ACTR3C: variants seen among roughly 807,000 people sequenced by gnomAD.
ACTR3C encodes the protein actin-related protein 3C.
Under a neutral mutation model 26.3 loss-of-function variants are expected in ACTR3C, and 18 were observed. The observed-to-expected ratio is 0.68, with a 90% confidence interval of 0.47 to 1.01. The LOEUF is 1.01. Among genes scored for constraint, ACTR3C ranks in the 50% least tolerant of loss-of-function variants. The pLI is 0.00. For missense variants in ACTR3C, 184 were observed against 250.7 expected, an observed-to-expected ratio of 0.73 and a Z score of 1.80; for synonymous variants, 55 against 94.5, an observed-to-expected ratio of 0.58 and a Z score of 2.42.
chr7:150,005,397 C>T, the ACTR3C span, among the ~76,000 whole-genome samples: 72,962 of 151,732 alleles, frequency 0.48, 17,566 homozygotes, highest in African/African-American at 0.53. Flanking sequence ...GATGTCCACA[C>T]GTCCTAGATG....
At chr7:149,898,501 C>G in the ACTR3C span, among the ~76,000 whole-genome samples, 1 of 152,016 alleles carries the variant, frequency 6.6e-6, no homozygotes, top group Non-Finnish European at 1.5e-5. Flanking sequence ...GTCAAGAGAT[C>G]GAGACCATCC....
At chr7:150,033,730 G>T in the ACTR3C span, among the ~76,000 whole-genome samples, 291 of 151,440 alleles carry the variant, frequency 1.9e-3, no homozygotes, top group Non-Finnish European at 3.2e-3. Context: ...CGGAAGAGGG[G>T]ATAGCTCTCA....
the ACTR3C span, among the ~76,000 whole-genome samples, chr7:149,912,649 C>A: frequency 6.6e-6 from 1 of 151,852 alleles, no homozygotes; most frequent in Non-Finnish European, 1.5e-5. Flanking sequence ...ATTACAGGCG[C>A]CTGCCACCAC....
the ACTR3C span, among the ~76,000 whole-genome samples, chr7:150,046,982 G>A: frequency 6.6e-6 from 1 of 152,200 alleles, no homozygotes; most frequent in Non-Finnish European, 1.5e-5. Context: ...AAATTGCTGG[G>A]CCCTGGGACA....
the ACTR3C span, among the ~76,000 whole-genome samples, chr7:150,017,596 G>T: frequency 6.7e-6 from 1 of 149,966 alleles, no homozygotes; most frequent in Non-Finnish European, 1.5e-5. Context: ...GACTCTGATT[G>T]TCAGAGCAGT....
intron 1 of ACTR3C, among the ~76,000 whole-genome samples, chr7:150,301,249 G>C (rs1305668306): frequency 6.6e-6 from 1 of 152,186 alleles, no homozygotes; most frequent in Admixed American, 6.5e-5. Context: ...TAGAGGTGGG[G>C]AAGTATCAGG....
the ACTR3C span, among the ~76,000 whole-genome samples, chr7:150,019,660 A>T: frequency 6.6e-6 from 1 of 150,904 alleles, no homozygotes; most frequent in Non-Finnish European, 1.5e-5. Context: ...TAAGGTTCTC[A>T]ACAGGGCCAT....
At chr7:150,159,778 C>A in the ACTR3C span, among the ~76,000 whole-genome samples, 1 of 151,894 alleles carries the variant, frequency 6.6e-6, no homozygotes, top group Non-Finnish European at 1.5e-5. Context: ...TATTCATATG[C>A]TTCTATGGTC....
At chr7:149,938,604 C>A in the ACTR3C span, among the ~76,000 whole-genome samples, 1 of 152,084 alleles carries the variant, frequency 6.6e-6, no homozygotes, top group African/African-American at 2.4e-5. Context: ...TTAGAATATC[C>A]ATCCAGATTA....
At chr7:150,090,282 A>G in the ACTR3C span, among the ~76,000 whole-genome samples, 6 of 152,222 alleles carry the variant, frequency 3.9e-5, no homozygotes, top group African/African-American at 1.2e-4. Flanking sequence ...TCTGGGGTGG[A>G]GAGTTTTCTG....
chr7:150,239,390 AC>A (rs1485249480), downstream of ACTR3C, among the ~76,000 whole-genome samples: 4 of 144,846 alleles, frequency 2.8e-5, no homozygotes, highest in East Asian at 6.0e-4. Context: ...TCACACCTAT[AC>A]AAAATATAGG....
the ACTR3C span, among the ~76,000 whole-genome samples, chr7:150,171,301 T>C: frequency 6.7e-6 from 1 of 149,738 alleles, no homozygotes; most frequent in Non-Finnish European, 1.5e-5. Flanking sequence ...AAATTAAAAA[T>C]TTATAACAGC....
chr7:150,169,130 C>A, the ACTR3C span, among the ~76,000 whole-genome samples: 2 of 150,210 alleles, frequency 1.3e-5, no homozygotes, highest in East Asian at 3.9e-4. Context: ...ACCTGTAATC[C>A]CAGCACTTTG....
chr7:149,971,218 G>A, the ACTR3C span, among the ~76,000 whole-genome samples: 1 of 152,216 alleles, frequency 6.6e-6, no homozygotes, highest in Non-Finnish European at 1.5e-5. Context: ...TCTAGCCACA[G>A]GGGTCATCCG....
the ACTR3C span, among the ~76,000 whole-genome samples, chr7:150,143,246 G>A: frequency 7.2e-5 from 11 of 152,170 alleles, no homozygotes; most frequent in African/African-American, 2.2e-4. Flanking sequence ...AACGCATTTT[G>A]TTTAGCATCT....
At chr7:150,085,939 G>C in the ACTR3C span, among the ~76,000 whole-genome samples, 1 of 151,940 alleles carries the variant, frequency 6.6e-6, no homozygotes, top group Non-Finnish European at 1.5e-5. Context: ...AAAAATACAA[G>C]CAGAGTAGCT....
At chr7:149,928,953 A>C in the ACTR3C span, among the ~76,000 whole-genome samples, 1 of 152,358 alleles carries the variant, frequency 6.6e-6, no homozygotes, top group Non-Finnish European at 1.5e-5. Context: ...GACAACAATG[A>C]GGACGGCATA....
chr7:150,211,395 C>A, the ACTR3C span, among the ~76,000 whole-genome samples: 1 of 151,602 alleles, frequency 6.6e-6, no homozygotes, highest in Non-Finnish European at 1.5e-5. Flanking sequence ...GATTCTCCTG[C>A]CTCAGCCTCC....
At chr7:150,039,768 C>T in the ACTR3C span, among the ~76,000 whole-genome samples, 4 of 137,334 alleles carry the variant, frequency 2.9e-5, no homozygotes, top group Non-Finnish European at 4.9e-5. Context: ...GATGGGGGTC[C>T]CCAGAGCCAG....
Sources: gnomAD v4.1 joint callset for allele counts (sites outside exome capture counted in the v4.1 genomes callset) on GRCh38, gnomAD v4.1.1 for gene constraint, MANE v1.5 for transcripts, NCBI Gene and HGNC (gene_info 2026-07-23, HGNC 2026-07-21) for gene names.